The following TOP2B variants were observed in gnomAD, a reference collection of about 807,000 sequenced individuals.
TOP2B encodes DNA topoisomerase 2-beta.
A neutral mutation model predicts 193.5 loss-of-function variants in TOP2B; 51 were observed. The observed-to-expected ratio is 0.26, with a 90% CI of 0.21 to 0.33. The LOEUF is 0.33. TOP2B is among the 10% of genes least tolerant of loss of function. TOP2B has a pLI of 1.00. For missense variants in TOP2B, 1,378 were observed against 1,909.3 expected, an observed-to-expected ratio of 0.72 and a Z score of 5.19; for synonymous variants, 634 against 635.7, an observed-to-expected ratio of 1.00 and a Z score of 0.04.
chr3:25,641,593 T>C (rs1300064236), intron 4 of TOP2B, among the ~76,000 whole-genome samples: 1 of 152,128 alleles, frequency 6.6e-6, no homozygotes, highest in Non-Finnish European at 1.5e-5. Context: ...ATATAAAATA[T>C]AGTTAACTTC....
rs760755554 is a variant in TOP2B, at chr3:25,609,198, G to C, written c.4078C>G (p.Leu1360Val). 6 of 1,607,966 alleles carry C rather than the reference G, an allele frequency of 3.7e-6. No individual in the cohort carries two copies. Among genetic ancestry groups the C allele is most frequent in the African/African-American group, 1.3e-5 (1 of 74,754 alleles). ...EPVVIPRDSL[L>V]RRAAAERPKY... ...GTTACAATACCTGCTGCTCTCCTAA[G>C]CAAAGAATCTCTTGGAATAACCACA... The change falls in exon 30 of 36, where the codon CTT becomes GTT. Residue 1360 changes from leucine (L) to valine (V), a missense_variant. Physicochemically the swap from Leu to Val is conservative, Grantham distance 32. Around this residue, in one of 9 missense-constraint regions of TOP2B, gnomAD observed 556 missense variants for 584.2 expected, o/e 0.95. Transcript: ENST00000264331.
chr3:25,620,402 C>T (rs144136922), intron 22 of TOP2B, among the ~76,000 whole-genome samples: 29 of 152,026 alleles, frequency 1.9e-4, no homozygotes, highest in African/African-American at 6.5e-4. Flanking sequence ...ACCATATTTA[C>T]AAGAATTAAA....
intron 1 of TOP2B, among the ~76,000 whole-genome samples, chr3:25,658,304 G>A (rs943770049): frequency 4.0e-5 from 6 of 151,490 alleles, no homozygotes; most frequent in African/African-American, 9.7e-5. Context: ...TGAGACTAAC[G>A]ATTGAAAACT....
At chr3:25,627,376 G>A (rs1231947892) in intron 15 of TOP2B, 80 bp from the exon 16 acceptor site, 3 of 874,858 alleles carry the variant, frequency 3.4e-6, no homozygotes, top group South Asian at 3.9e-5. Flanking sequence ...TGGTGGAAAA[G>A]TTGTAATAGA....
chr3:25,663,372 G>T (rs1703975521), intron 1 of TOP2B, among the ~76,000 whole-genome samples: 1 of 152,172 alleles, frequency 6.6e-6, no homozygotes, highest in Non-Finnish European at 1.5e-5. Context: ...GAAATACCTA[G>T]GTTTTCTGTA....
intron 33 of TOP2B, among the ~76,000 whole-genome samples, chr3:25,603,942 A>C (rs1359577422): frequency 6.6e-6 from 1 of 152,240 alleles, no homozygotes; most frequent in African/African-American, 2.4e-5. Flanking sequence ...AAAGGCAGAT[A>C]TTGCCCAATA....
At chr3:25,646,787 A>C (rs532897319) in intron 1 of TOP2B, among the ~76,000 whole-genome samples, 14 of 152,334 alleles carry the variant, frequency 9.2e-5, no homozygotes, top group African/African-American at 3.4e-4. Flanking sequence ...TATGTTTAAA[A>C]ATCAAAATAC....
intron 13 of TOP2B, among the ~76,000 whole-genome samples, chr3:25,629,489 C>T (rs1449273844): frequency 6.6e-6 from 1 of 152,144 alleles, no homozygotes; most frequent in African/African-American, 2.4e-5. Context: ...CCAGGTAATA[C>T]AGATATTCAC....
intron 17 of TOP2B, 35 bp downstream of exon 17, chr3:25,626,737 C>T: frequency 1.3e-6 from 2 of 1,558,526 alleles, no homozygotes; most frequent in Middle Eastern, 1.7e-4. Flanking sequence ...TCTCTCTCTC[C>T]TTCTTTCCCC....
In TOP2B at chr3:25,607,234, G is replaced by A. The variant is rs1702257221; in HGVS notation, c.4235C>T (p.Pro1412Leu). The A allele has an allele frequency of 2.5e-6, 4 of 1,608,384 alleles. No individual in the cohort carries two copies. Among genetic ancestry groups the A allele is most frequent in the Admixed American group, 1.7e-5 (1 of 59,310 alleles). ...ITNDGEDEFV[P>L]SDGLDKDEYT... ...TTCATCTTTATCTAACCCATCTGAA[G>A]GAACAAATTCATCTTCCCCATCATT... Residue 1412 changes from proline to leucine, a missense_variant, in exon 31 of 36, where the codon CCT (proline) becomes CTT (leucine). Coordinates refer to ENST00000264331, the MANE Select transcript of TOP2B (RefSeq NM_001330700.2).
At chr3:25,661,791 A>G (rs770839081) in intron 1 of TOP2B, among the ~76,000 whole-genome samples, 1 of 152,224 alleles carries the variant, frequency 6.6e-6, no homozygotes, top group Non-Finnish European at 1.5e-5. Flanking sequence ...TTTTCATGCA[A>G]TGACATTAAC....
intron 18 of TOP2B, among the ~76,000 whole-genome samples, chr3:25,625,380 G>GTTT (rs1218382962): frequency 6.6e-6 from 1 of 152,086 alleles, no homozygotes; most frequent in Non-Finnish European, 1.5e-5. Flanking sequence ...TCTTAATATA[G>GTTT]TTTTCATAAG....
intron 13 of TOP2B, 38 bp from the exon 14 acceptor site, chr3:25,629,183 C>G (rs1702887548): frequency 7.2e-7 from 1 of 1,394,928 alleles, no homozygotes; most frequent in African/African-American, 1.5e-5. Flanking sequence ...TGTTGTAATA[C>G]TTTTATAAAA....
intron 19 of TOP2B, 32 bp downstream of exon 19, chr3:25,624,650 A>C (rs1559498706): frequency 1.2e-6 from 2 of 1,607,590 alleles, no homozygotes; most frequent in Non-Finnish European, 1.7e-6. Context: ...CAATAATTAC[A>C]GTTCTCAATT....
At chr3:25,606,493 A>T (rs1702240798) in intron 31 of TOP2B, among the ~76,000 whole-genome samples, 1 of 152,186 alleles carries the variant, frequency 6.6e-6, no homozygotes, top group Non-Finnish European at 1.5e-5. Flanking sequence ...TCCAGAATTT[A>T]AGATCAGCAA....
At chr3:25,639,302 TC>T (rs951599920) in intron 4 of TOP2B, among the ~76,000 whole-genome samples, 4 of 152,326 alleles carry the variant, frequency 2.6e-5, no homozygotes, top group Admixed American at 1.3e-4. Context: ...TAATATGCTT[TC>T]CACGTTTGTT....
chr3:25,646,406 G>A (rs1409604223), intron 1 of TOP2B, among the ~76,000 whole-genome samples: 2 of 152,164 alleles, frequency 1.3e-5, no homozygotes, highest in East Asian at 3.9e-4. Flanking sequence ...GGAGGCACAG[G>A]TTGGTGATCT....
At chr3:25,654,826 G>A (rs1042911059) in intron 1 of TOP2B, among the ~76,000 whole-genome samples, 1 of 152,160 alleles carries the variant, frequency 6.6e-6, no homozygotes, top group Non-Finnish European at 1.5e-5. Context: ...GGAAAGGACA[G>A]TCTCTTCAAC....
intron 23 of TOP2B, among the ~76,000 whole-genome samples, chr3:25,619,164 C>T (rs1354837021): frequency 6.6e-6 from 1 of 152,110 alleles, no homozygotes; most frequent in African/African-American, 2.4e-5. Context: ...AATGATTTTT[C>T]CCCAAACTGA....
Sources: gnomAD v4.1 joint callset for allele counts (sites outside exome capture counted in the v4.1 genomes callset) on GRCh38, gnomAD v4.1.1 for gene constraint, gnomAD v4.1.1 regional missense constraint, MANE v1.5 for transcripts, NCBI Gene and HGNC (gene_info 2026-07-23, HGNC 2026-07-21) for gene names.